Variants in DMRT3 observed in about 807,000 individuals in gnomAD.
DMRT3 encodes the protein doublesex- and mab-3-related transcription factor 3.
DMRT3 carries 29 observed loss-of-function variants against 34.9 expected under a neutral mutation model. The observed-to-expected ratio is 0.83, with a 90% CI of 0.62 to 1.13. The LOEUF is 1.13. DMRT3 is among the 50% of genes most tolerant of loss of function. DMRT3 has a pLI of 0.00. For missense variants in DMRT3, 772 were observed against 629.1 expected (o/e 1.23, Z -2.43); for synonymous variants, 350 against 286.0 (o/e 1.22, Z -2.26).
At chr9:980,697 A>G (rs1436012639) in intron 1 of DMRT3, among the ~76,000 whole-genome samples, 2 of 129,294 alleles carry the variant, frequency 1.5e-5, no homozygotes, top group Non-Finnish European at 1.7e-5. Context: ...TCCCCATGAA[A>G]ATACAGGAGG....
Position 977,012 on chromosome 9 carries a change from AC to A in DMRT3, c.12del (p.Tyr4Ter), listed in dbSNP as rs1172024851. ...TCGGGAGCCCGGGGCATGAACGGCT[AC>A]GGCTCCCCCTACCTGTACATGGGCG... MNG[Y>X]GSPYLYMGGP... On this transcript the variant is annotated frameshift_variant, in exon 1 of 2. Transcript: ENST00000190165. LOFTEE classifies it high-confidence loss of function. The A allele has an allele frequency of 5.3e-6, 8 of 1,510,636 alleles. No homozygotes were observed. The highest frequency in any genetic ancestry group is 7.1e-6 in the Non-Finnish European group (8 of 1,130,246). 93.6% of individuals were successfully genotyped at this position (1,510,636 alleles called of 1,614,324 possible). A position where few individuals can be genotyped will look rare whatever the true frequency, so the allele number is the denominator to read the frequency against.
At position 977,370 on chromosome 9, in the gene DMRT3, TG is replaced by T; in HGVS notation, c.370del (p.Ala124LeufsTer30). 8.1e-7 allele frequency: 1 copy of T among 1,229,508 alleles called. No homozygotes were observed. Among genetic ancestry groups the T allele is most frequent in the Non-Finnish European group, 1.0e-6 (1 of 988,026 alleles). 76.2% of individuals were successfully genotyped at this position (1,229,508 alleles called of 1,614,324 possible). The part of the protein sequence containing the change: ...QPSQPQPPRP[A>X]AELAAAAALR... The stretch of plus-strand genomic sequence containing the variant: ...CGTCGCAGCCGCAGCCGCCGCGCCC[TG>T]CTGCCGAGTTGGCCGCGGCCGCCGC... On this transcript the variant is annotated frameshift_variant, in exon 1 of 2. Coordinates refer to ENST00000190165, the MANE Select transcript of DMRT3 (RefSeq NM_021240.4). LOFTEE classifies it high-confidence loss of function.
At chr9:978,850 G>T (rs988959354) in intron 1 of DMRT3, among the ~76,000 whole-genome samples, 4 of 152,106 alleles carry the variant, frequency 2.6e-5, no homozygotes, top group African/African-American at 4.8e-5. Context: ...AGAAATGATC[G>T]CCAGTTGTCT....
At position 990,167 on chromosome 9, in the gene DMRT3, G is replaced by A. The variant is rs763720874; in HGVS notation, c.581G>A (p.Ser194Asn). Residue 194 changes from serine (S) to asparagine (N), a missense_variant, in exon 2 of 2, where the codon AGC becomes AAC. Transcript: ENST00000190165. Reference sequence around the variant, plus strand: ...AGTAAGGGCTGCTTCACCCCTGAGAGCCCTGAGATAGTGTCCGTGGAGGAA... The same window carrying A: ...AGTAAGGGCTGCTTCACCCCTGAGAACCCTGAGATAGTGTCCGTGGAGGAA... ...AKSKGCFTPESPEIVSVEEGG... is the reference protein window; with the variant it reads ...AKSKGCFTPENPEIVSVEEGG... 1 of 1,614,044 alleles carries A rather than the reference G, an allele frequency of 6.2e-7. No homozygotes were observed.
Position 990,045 on chromosome 9 carries a change from G to C in DMRT3, c.459G>C (p.Leu153Phe), listed in dbSNP as rs777731430. 1 of 1,613,630 alleles carries C rather than the reference G, an allele frequency of 6.2e-7. No homozygotes were observed. The highest frequency in any genetic ancestry group is 1.1e-5 in the South Asian group (1 of 90,884). Reference sequence around the variant, plus strand: ...CTCAGCTGTTCTGTTTTCCAGATTTGACTGAAGAACGACTTGGAGACGGCA... The same window carrying C: ...CTCAGCTGTTCTGTTTTCCAGATTTCACTGAAGAACGACTTGGAGACGGCA... The part of the protein sequence containing the change: ...ALQAQLAKPD[L>F]TEERLGDGKS... Residue 153 changes from leucine (L) to phenylalanine (F), a missense_variant, in exon 2 of 2, where the codon TTG (leucine) becomes TTC (phenylalanine). Coordinates refer to ENST00000190165, the MANE Select transcript of DMRT3 (RefSeq NM_021240.4).
intron 1 of DMRT3, among the ~76,000 whole-genome samples, chr9:978,078 G>C (rs1249337451): frequency 2.6e-5 from 4 of 152,174 alleles, no homozygotes; most frequent in African/African-American, 9.6e-5. Context: ...GTTCCATTTA[G>C]CAATGATAGT....
Position 976,827 on chromosome 9 carries a change from G to C in DMRT3, c.-175G>C. The C allele has an allele frequency of 1.8e-6, 1 of 543,702 alleles. No homozygotes were observed. Among genetic ancestry groups the C allele is most frequent in the Non-Finnish European group, 2.9e-6 (1 of 346,570 alleles). 33.7% of individuals were successfully genotyped at this position (543,702 alleles called of 1,614,324 possible). A position where few individuals can be genotyped will look rare whatever the true frequency, so the allele number is the denominator to read the frequency against. ...CGAGCTGTGAGCGCGAAGGGAGCTG[G>C]AGAGACGACTGCGGCACCTCCGGCC... is the stretch of plus-strand genomic sequence containing the variant. On this transcript the variant is annotated 5_prime_UTR_variant, in exon 1 of 2. Coordinates refer to ENST00000190165, the MANE Select transcript of DMRT3 (RefSeq NM_021240.4). This position sits in a 1 kb window ranked among gnomAD's most constrained non-coding sequence, Gnocchi z 4.5.
chr9:977,227 C>G lies in DMRT3; in HGVS notation c.226C>G (p.Arg76Gly), dbSNP rs1586681185. The G allele has an allele frequency of 1.2e-6, 2 of 1,600,946 alleles. No individual in the cohort carries two copies. Among genetic ancestry groups the G allele is most frequent in the Non-Finnish European group, 1.7e-6 (2 of 1,173,954 alleles). Residue 76 changes from arginine (R) to glycine (G), a missense_variant, in exon 1 of 2, where the codon CGG becomes GGG. Arg to Gly is a moderately radical substitution (Grantham distance 125, BLOSUM62 -2). Coordinates refer to ENST00000190165, the MANE Select transcript of DMRT3 (RefSeq NM_021240.4). ...CATGGCTGCGCAGGTGGCGCTGCGC[C>G]GGCAGCAGGCCAACGAGAGCTTGGA... ...RVMAAQVALR[R>G]QQANESLESL...
chr9:980,668 G>A (rs189625357), intron 1 of DMRT3, among the ~76,000 whole-genome samples: 1 of 91,194 alleles, frequency 1.1e-5, no homozygotes, highest in East Asian at 3.0e-4. Context: ...TTCCCTCTAT[G>A]TTCTTCTCAT....
At chr9:981,408 T>G (rs959098211) in intron 1 of DMRT3, among the ~76,000 whole-genome samples, 2 of 152,210 alleles carry the variant, frequency 1.3e-5, no homozygotes, top group Non-Finnish European at 2.9e-5. Flanking sequence ...AAACCATTTA[T>G]GAAGTGTACC....
rs554815196 is a variant in DMRT3, at chr9:978,192, C to T, written c.454+737C>T. On this transcript the variant is annotated intron_variant, in intron 1 of 1. Coordinates refer to ENST00000190165, the MANE Select transcript of DMRT3 (RefSeq NM_021240.4). The stretch of plus-strand genomic sequence containing the variant: ...TCCTAGATCCTTTAACACTGTTCCC[C>T]AGGCTGCCCTCAGCTGTCTTCGTGG... 2.0e-5 allele frequency among the ~76,000 whole-genome samples: 3 copies of T among 152,316 alleles called. No individual in the cohort carries two copies. In the East Asian group the frequency reaches 5.8e-4, roughly 29 times the overall value.
In DMRT3 at chr9:976,989, G is replaced by A. The variant is rs1411254184; in HGVS notation, c.-13G>A. On this transcript the variant is annotated 5_prime_UTR_variant, in exon 1 of 2. Coordinates refer to ENST00000190165, the MANE Select transcript of DMRT3 (RefSeq NM_021240.4). The surrounding 1 kb of genome is among the most constrained non-coding windows in gnomAD (Gnocchi z 4.5). ...CCGCAGCCAGGCTGCCAACTCATTC[G>A]GGAGCCCGGGGCATGAACGGCTACG... The A allele has an allele frequency of 1.4e-6, 2 of 1,472,398 alleles. No homozygotes were observed. The highest frequency in any genetic ancestry group is 2.6e-5 in the East Asian group (1 of 38,762). 91.2% of individuals were successfully genotyped at this position (1,472,398 alleles called of 1,614,324 possible).
intron 1 of DMRT3, among the ~76,000 whole-genome samples, chr9:982,041 A>G (rs1436975067): frequency 1.3e-5 from 2 of 152,186 alleles, no homozygotes; most frequent in Admixed American, 6.5e-5. Context: ...AAAAAATAGG[A>G]TGCCAATATT....
intron 1 of DMRT3, among the ~76,000 whole-genome samples, chr9:986,226 C>T (rs540526153): frequency 1.3e-5 from 2 of 152,194 alleles, no homozygotes; most frequent in East Asian, 1.9e-4. Flanking sequence ...CCGTCTGTTC[C>T]GCAGAACTTA....
chr9:988,847 C>T (rs142032994), intron 1 of DMRT3, among the ~76,000 whole-genome samples: 67 of 152,204 alleles, frequency 4.4e-4, no homozygotes, highest in African/African-American at 1.3e-3. Context: ...CCACAGCCAG[C>T]GCGTGTTTCA....
Position 978,505 on chromosome 9 carries a change from A to G in DMRT3, c.454+1050A>G, listed in dbSNP as rs973788714. Among the ~76,000 whole-genome samples, 6 of 152,312 alleles carry G rather than the reference A, an allele frequency of 3.9e-5. No individual in the cohort carries two copies. In the South Asian group the frequency reaches 1.2e-3, roughly 32 times the overall value. On this transcript the variant is annotated intron_variant, in intron 1 of 1. Coordinates refer to ENST00000190165, the MANE Select transcript of DMRT3 (RefSeq NM_021240.4). ...TGGGAAGGTCCAGAGCCCTCCTGTA[A>G]GTAGAACTGTGGCAAAACTGGTACC...
intron 1 of DMRT3, among the ~76,000 whole-genome samples, chr9:980,024 C>A (rs1391951620): frequency 6.6e-6 from 1 of 152,110 alleles, no homozygotes; most frequent in African/African-American, 2.4e-5. Context: ...TGAACTTTGA[C>A]TTTGAAATGT....
At chr9:987,023 A>G (rs1420089998) in intron 1 of DMRT3, among the ~76,000 whole-genome samples, 1 of 152,096 alleles carries the variant, frequency 6.6e-6, no homozygotes, top group Non-Finnish European at 1.5e-5. Flanking sequence ...ACTGTGTGGC[A>G]TATATTTTTC....
Position 991,113 on chromosome 9 carries a change from A to G in DMRT3, c.*108A>G, listed in dbSNP as rs1008394505. Reference sequence around the variant, plus strand: ...GTATGCCCTTTCCTTCTGTTTGACAAAGTGACTGTGCTTGATTCTATACAT... The same window carrying G: ...GTATGCCCTTTCCTTCTGTTTGACAGAGTGACTGTGCTTGATTCTATACAT... On this transcript the variant is annotated 3_prime_UTR_variant, in exon 2 of 2. Transcript: ENST00000190165. 2.1e-6 allele frequency: 3 copies of G among 1,423,126 alleles called. No homozygotes were observed. In the African/African-American group the frequency reaches 4.3e-5, roughly 20 times the overall value. The allele number at this position is 1,423,126 out of a possible 1,614,324, so 88.2% of individuals were successfully genotyped here. A position where few individuals can be genotyped will look rare whatever the true frequency, so the allele number is the denominator to read the frequency against.
Sources: gnomAD v4.1 joint callset for allele counts (sites outside exome capture counted in the v4.1 genomes callset) on GRCh38, gnomAD v4.1.1 for gene constraint, Gnocchi (gnomAD v3.1) non-coding constraint, MANE v1.5 for transcripts, NCBI Gene and HGNC (gene_info 2026-07-23, HGNC 2026-07-21) for gene names.